PXT1: variants seen among roughly 807,000 people sequenced by gnomAD.
PXT1 encodes peroxisomal testis-specific protein 1.
Under a neutral mutation model 11.0 loss-of-function variants are expected in PXT1, and 11 were observed. That is an observed-to-expected ratio of 1.00 (90% CI 0.63 to 1.66). PXT1 has a LOEUF of 1.66. Among genes scored for constraint, PXT1 ranks in the 40% most tolerant of loss-of-function variants. The pLI, the probability that PXT1 is intolerant of heterozygous loss-of-function variation, is 0.00. For synonymous variants in PXT1, 43 were observed against 51.4 expected, an observed-to-expected ratio of 0.84 and a Z score of 0.70; for missense variants, 141 against 155.5, an observed-to-expected ratio of 0.91 and a Z score of 0.49.
rs776085195 is a variant in PXT1, at chr6:36,400,437, G to A, written c.300+17C>T. 6.2e-7 allele frequency: 1 copy of A among 1,612,204 alleles called. No homozygotes were observed. Among genetic ancestry groups the A allele is most frequent in the South Asian group, 1.1e-5 (1 of 90,952 alleles). On this transcript the variant is annotated intron_variant, in intron 4 of 4. Transcript: ENST00000454782. ...CTCCTACCTGACAGGCCCTGGCTGG[G>A]GAAACTGAAGCCTCACCTCTCGAAC...
At chr6:36,424,788 G>A (rs1022007460) in intron 3 of PXT1, among the ~76,000 whole-genome samples, 4 of 152,134 alleles carry the variant, frequency 2.6e-5, no homozygotes, top group African/African-American at 9.6e-5. Context: ...ATGACTTGAG[G>A]TCAGGAGTCC....
At chr6:36,417,591 CAA>C (rs70975157) in intron 3 of PXT1, among the ~76,000 whole-genome samples, 90 of 99,550 alleles carry the variant, frequency 9.0e-4, no homozygotes, top group East Asian at 2.8e-3. Flanking sequence ...TTCGTCTCTA[CAA>C]AAAAAAAAAA....
rs769927374 is a variant in PXT1, at chr6:36,400,493, T to C, written c.261A>G (p.Arg87=). 1 of 1,614,028 alleles carries C rather than the reference T, an allele frequency of 6.2e-7. No individual in the cohort carries two copies. Among genetic ancestry groups the C allele is most frequent in the Admixed American group, 1.7e-5 (1 of 60,000 alleles). Residue 87 remains arginine, a synonymous_variant, in exon 4 of 5, where the codon AGA becomes AGG. Coordinates refer to ENST00000454782, the MANE Select transcript of PXT1 (RefSeq NM_152990.4). The stretch of plus-strand genomic sequence containing the variant: ...TATGATCAATGTTGTCCCCAATGTG[T>C]CTCAGCTGCATGGCCAACTTGTGAA... The part of the protein sequence containing the change: ...EIIHKLAMQL[R]HIGDNIDHRM...
At chr6:36,408,006 G>A (rs1447193251) in intron 3 of PXT1, among the ~76,000 whole-genome samples, 4 of 149,576 alleles carry the variant, frequency 2.7e-5, no homozygotes, top group Admixed American at 1.3e-4. Flanking sequence ...CTGTTGCCCA[G>A]GCTGGAGTGC....
intron 4 of PXT1, among the ~76,000 whole-genome samples, chr6:36,392,257 TG>T (rs1774080567): frequency 6.6e-6 from 1 of 152,178 alleles, no homozygotes. Flanking sequence ...CTCAACAAAC[TG>T]GGGCTCATCA....
At chr6:36,401,888 G>A (rs958686818) in intron 3 of PXT1, among the ~76,000 whole-genome samples, 4 of 147,756 alleles carry the variant, frequency 2.7e-5, no homozygotes, top group Admixed American at 6.8e-5. Context: ...TATTATATAT[G>A]TGTGTGTATA....
At chr6:36,415,841 A>T (rs1774438184) in intron 3 of PXT1, among the ~76,000 whole-genome samples, 1 of 152,198 alleles carries the variant, frequency 6.6e-6, no homozygotes, top group South Asian at 2.1e-4. Context: ...TTAGTTTTGA[A>T]CAGGAGGAGG....
intron 3 of PXT1, among the ~76,000 whole-genome samples, chr6:36,415,930 A>T (rs921330017): frequency 6.6e-6 from 1 of 152,174 alleles, no homozygotes; most frequent in African/African-American, 2.4e-5. Flanking sequence ...TGAGAGGAAG[A>T]TTCAGGTATT....
chr6:36,433,557 C>T (rs569747805), intron 2 of PXT1, among the ~76,000 whole-genome samples: 4 of 151,974 alleles, frequency 2.6e-5, no homozygotes, highest in African/African-American at 4.8e-5. Context: ...CGGTGGTTCA[C>T]GCCTGTAATC....
intron 2 of PXT1, among the ~76,000 whole-genome samples, chr6:36,428,460 A>T (rs1231353059): frequency 6.6e-6 from 1 of 151,966 alleles, no homozygotes; most frequent in African/African-American, 2.4e-5. Context: ...TTGATAATCA[A>T]GATGTAGCTA....
intron 3 of PXT1, among the ~76,000 whole-genome samples, chr6:36,424,924 A>C (rs916177918): frequency 6.6e-6 from 1 of 152,188 alleles, no homozygotes; most frequent in Non-Finnish European, 1.5e-5. Flanking sequence ...TATCTCAAAA[A>C]AAAAATCTGG....
At chr6:36,402,055 G>A (rs539452027) in intron 3 of PXT1, among the ~76,000 whole-genome samples, 2 of 151,908 alleles carry the variant, frequency 1.3e-5, no homozygotes, top group Admixed American at 6.6e-5. Context: ...GGGCTCAAGT[G>A]ATTTTCACAC....
Position 36,391,825 on chromosome 6 carries a change from A to AC in PXT1, c.349_350insG (p.Phe117CysfsTer3). 1 of 1,613,986 alleles carries AC rather than the reference A, an allele frequency of 6.2e-7. No homozygotes were observed. Among genetic ancestry groups the AC allele is most frequent in the South Asian group, 1.1e-5 (1 of 91,070 alleles). On this transcript the variant is annotated frameshift_variant, in exon 5 of 5. Coordinates refer to ENST00000454782, the MANE Select transcript of PXT1 (RefSeq NM_152990.4). LOFTEE classifies it low-confidence loss of function (END_TRUNC). ...CAGCAACACCTGAACTCTTCTAAAG[A>AC]AAAAGAAGACAAAATGATCTAGTGC...
At chr6:36,395,079 C>A (rs1372793319) in intron 4 of PXT1, among the ~76,000 whole-genome samples, 1 of 152,054 alleles carries the variant, frequency 6.6e-6, no homozygotes, top group Non-Finnish European at 1.5e-5. Context: ...CTGGCCTCAG[C>A]CTCCCAACGT....
At chr6:36,394,242 T>G (rs1414817730) in intron 4 of PXT1, among the ~76,000 whole-genome samples, 3 of 152,206 alleles carry the variant, frequency 2.0e-5, no homozygotes, top group African/African-American at 7.2e-5. Context: ...TTTGATAAGT[T>G]TTGTAATCTC....
At chr6:36,401,551 G>A (rs1020135064) in intron 3 of PXT1, among the ~76,000 whole-genome samples, 25 of 151,384 alleles carry the variant, frequency 1.7e-4, no homozygotes, top group African/African-American at 6.1e-4. Flanking sequence ...CGGGAGGGGA[G>A]GCTGGAGCGA....
chr6:36,404,256 G>A (rs1488286843), intron 3 of PXT1, among the ~76,000 whole-genome samples: 1 of 152,208 alleles, frequency 6.6e-6, no homozygotes, highest in Non-Finnish European at 1.5e-5. Flanking sequence ...ACAGCCATGG[G>A]TCGCATAACT....
chr6:36,418,444 C>A, intron 3 of PXT1, among the ~76,000 whole-genome samples: 1 of 152,106 alleles, frequency 6.6e-6, no homozygotes, highest in Non-Finnish European at 1.5e-5. Flanking sequence ...TTCATTCATT[C>A]AACAAATAGA....
At chr6:36,398,167 A>G (rs953355509) in intron 4 of PXT1, among the ~76,000 whole-genome samples, 1 of 152,242 alleles carries the variant, frequency 6.6e-6, no homozygotes. Context: ...CAAAAGCACA[A>G]TGAGATACAC....
Sources: allele counts gnomAD v4.1 joint callset (sites outside exome capture counted in the v4.1 genomes callset), GRCh38; gene constraint gnomAD v4.1.1; transcripts MANE v1.5; gene names NCBI Gene and HGNC (gene_info 2026-07-23, HGNC 2026-07-21).